The following COPB2 variants were observed in gnomAD, a reference collection of about 807,000 sequenced individuals.
The protein encoded by COPB2 is coat protein complex I subunit beta 2.
In COPB2, 16 loss-of-function variants were observed where a neutral mutation model predicts 120.8. The observed-to-expected ratio is 0.13, with a 90% CI of 0.09 to 0.20. The LOEUF (loss-of-function observed/expected upper bound fraction) is 0.20. COPB2 is among the 10% of genes least tolerant of loss of function. COPB2 has a pLI of 1.00. For synonymous variants in COPB2, 332 were observed against 366.3 expected, an observed-to-expected ratio of 0.91 and a Z score of 1.07; for missense variants, 794 against 1,076.5, an observed-to-expected ratio of 0.74 and a Z score of 3.67.
chr3:139,370,080 G>A (rs563249428), intron 10 of COPB2, among the ~76,000 whole-genome samples: 1 of 152,282 alleles, frequency 6.6e-6, no homozygotes, highest in African/African-American at 2.4e-5. Flanking sequence ...TGGACAGACT[G>A]TTAATGGAGA....
chr3:139,386,078 G>T (rs909402727), intron 1 of COPB2, among the ~76,000 whole-genome samples: 6 of 152,118 alleles, frequency 3.9e-5, no homozygotes, highest in African/African-American at 1.4e-4. Context: ...CTTTTTTGGG[G>T]ATTTTTATCA....
chr3:139,388,261 A>G (rs1054592208), intron 1 of COPB2: 1 of 152,140 alleles, frequency 6.6e-6, no homozygotes, highest in Non-Finnish European at 1.5e-5. Flanking sequence ...TGGGTGCCCA[A>G]GAAAGTCCAC....
At chr3:139,363,375 T>C (rs1048265454) in intron 15 of COPB2, among the ~76,000 whole-genome samples, 6 of 152,150 alleles carry the variant, frequency 3.9e-5, no homozygotes, top group African/African-American at 1.4e-4. Context: ...TATTGTGAAC[T>C]GTACATGTGA....
Position 139,373,230 on chromosome 3 carries a change from C to G in COPB2, c.1077G>C (p.Gln359His), listed in dbSNP as rs775167003. ...GSCEIYPQTI[Q>H]HNPNGRFVVV... ...TGGCTTACCGCCCATTAGGATTGTG[C>G]TGAATAGTCTGAGGGTATATTTCAC... Residue 359 changes from glutamine to histidine, a missense_variant, in exon 9 of 22, where the codon CAG (glutamine) becomes CAC (histidine). Transcript: ENST00000333188. 1 of 1,613,978 alleles carries G rather than the reference C, an allele frequency of 6.2e-7. No individual in the cohort carries two copies. Among genetic ancestry groups the G allele is most frequent in the Non-Finnish European group, 8.5e-7 (1 of 1,179,912 alleles).
intron 10 of COPB2, among the ~76,000 whole-genome samples, chr3:139,371,018 T>TA (rs1941615102): frequency 6.6e-6 from 1 of 152,126 alleles, no homozygotes; most frequent in South Asian, 2.1e-4. Context: ...AGATGCAACA[T>TA]AAAATGTGGG....
chr3:139,358,010 A>C, intron 21 of COPB2, 52 bp from the exon 22 acceptor site: 1 of 1,157,304 alleles, frequency 8.6e-7, no homozygotes, highest in Non-Finnish European at 1.3e-6. Context: ...GTTAAAGGAA[A>C]GTTATCCGTG....
Position 139,361,185 on chromosome 3 carries a change from C to A in COPB2, c.2106G>T (p.Leu702Phe), listed in dbSNP as rs776037503. The change falls in exon 17 of 22, where the codon TTG (leucine) becomes TTT (phenylalanine). Residue 702 changes from leucine (L) to phenylalanine (F), a missense_variant. Leu to Phe is a conservative substitution (Grantham distance 22). Around this residue, in one of 3 missense-constraint regions of COPB2, gnomAD observed 610 missense variants for 866.7 expected, o/e 0.70. Coordinates refer to ENST00000333188, the MANE Select transcript of COPB2 (RefSeq NM_004766.3). ...HAQDYGGLLLLATASGNANMV... is the reference protein window; with the variant it reads ...HAQDYGGLLLFATASGNANMV... ...TATTAGCATTTCCAGAGGCAGTGGC[C>A]AAAAGCAGCAGGCCCCCATAATCCT... 1.2e-5 allele frequency: 20 copies of A among 1,614,208 alleles called. No individual in the cohort carries two copies. In the South Asian group the frequency reaches 1.9e-4, roughly 15 times the overall value.
chr3:139,367,553 G>A (rs1046358871), intron 13 of COPB2, among the ~76,000 whole-genome samples: 3 of 152,002 alleles, frequency 2.0e-5, no homozygotes, highest in Non-Finnish European at 4.4e-5. Flanking sequence ...CTCCCAAAGT[G>A]CTGGGATTAT....
intron 12 of COPB2, 71 bp from the exon 13 acceptor site, chr3:139,368,359 G>T: frequency 6.9e-7 from 1 of 1,450,306 alleles, no homozygotes; most frequent in Non-Finnish European, 9.3e-7. Flanking sequence ...CACATACTTG[G>T]TTTCTTACAA....
intron 6 of COPB2, 72 bp from the exon 7 acceptor site, chr3:139,374,660 G>A: frequency 8.2e-7 from 1 of 1,212,848 alleles, no homozygotes; most frequent in East Asian, 2.4e-5. Context: ...AATTTTCTCA[G>A]TGTACAGATA....
rs1463586050 is a variant in COPB2 at position 139,367,262 on chromosome 3, C to T, written c.1546-117G>A. The T allele has an allele frequency of 2.2e-5, 27 of 1,226,720 alleles. No individual in the cohort carries two copies. In the South Asian group the frequency reaches 3.8e-4, roughly 17 times the overall value. The allele number at this position is 1,226,720 out of a possible 1,614,324, so 76.0% of individuals were successfully genotyped here. On this transcript the variant is annotated intron_variant, in intron 13 of 21. Coordinates refer to ENST00000333188, the MANE Select transcript of COPB2 (RefSeq NM_004766.3). Reference sequence around the variant, plus strand: ...TAAGGAATGCAAAGTAAAATCCTTCCTATTTCTAGAAAAAAAAAATTTTCC... The same window carrying T: ...TAAGGAATGCAAAGTAAAATCCTTCTTATTTCTAGAAAAAAAAAATTTTCC...
chr3:139,358,774 G>GTCT lies in COPB2; in HGVS notation c.2520_2522dup (p.Lys840_Asp841insGlu), dbSNP rs1398918795. On this transcript the variant is annotated inframe_insertion, in exon 20 of 22. Transcript: ENST00000333188. ...GAGCTGTAGATCTTGAGGGCTGAAA[G>GTCT]TCTTTTCCCTCTTCCATGACATTTC... 6.2e-7 allele frequency: 1 copy of GTCT among 1,613,122 alleles called. No homozygotes were observed. Among genetic ancestry groups the GTCT allele is most frequent in the Admixed American group, 1.7e-5 (1 of 59,998 alleles).
chr3:139,389,222 C>T (rs1178257714), intron 1 of COPB2, among the ~76,000 whole-genome samples: 1 of 152,240 alleles, frequency 6.6e-6, no homozygotes, highest in Non-Finnish European at 1.5e-5. Flanking sequence ...TTACCAAAGC[C>T]TCCTACGGAG....
chr3:139,389,306 C>T (rs887544900), intron 1 of COPB2, among the ~76,000 whole-genome samples: 4 of 152,246 alleles, frequency 2.6e-5, no homozygotes, highest in Non-Finnish European at 5.9e-5. Flanking sequence ...TGGCAAGCGC[C>T]ACAAGCGCCA....
At chr3:139,361,483 T>C (rs1016573673) in intron 16 of COPB2, among the ~76,000 whole-genome samples, 188 bp from the exon 17 acceptor site, 2 of 152,232 alleles carry the variant, frequency 1.3e-5, no homozygotes, top group African/African-American at 4.8e-5. Flanking sequence ...GTATACAAAA[T>C]GAATTTAAAC....
intron 10 of COPB2, 152 bp downstream of exon 10, chr3:139,371,571 G>A (rs2107803179): frequency 3.4e-6 from 2 of 591,140 alleles, no homozygotes; most frequent in South Asian, 2.3e-5. Flanking sequence ...CTATACACTC[G>A]CCTCTGACTC....
chr3:139,357,999 T>C, intron 21 of COPB2, 41 bp from the exon 22 acceptor site: 1 of 1,252,844 alleles, frequency 8.0e-7, no homozygotes, highest in Non-Finnish European at 1.1e-6. Context: ...TTTACAGTAC[T>C]GTTAAAGGAA....
intron 1 of COPB2, among the ~76,000 whole-genome samples, chr3:139,388,875 T>G (rs569802369): frequency 2.6e-5 from 4 of 151,662 alleles, no homozygotes; most frequent in Non-Finnish European, 5.9e-5. Context: ...ATTATAACAC[T>G]CTTGTGCAAA....
At chr3:139,369,060 T>A (rs534945285) in intron 12 of COPB2, among the ~76,000 whole-genome samples, 1 of 152,240 alleles carries the variant, frequency 6.6e-6, no homozygotes, top group Non-Finnish European at 1.5e-5. Context: ...TCAGGATTGT[T>A]GTATCCTAAT....
Sources: allele counts gnomAD v4.1 joint callset (sites outside exome capture counted in the v4.1 genomes callset), GRCh38; gene constraint gnomAD v4.1.1; regional missense constraint gnomAD v4.1.1; transcripts MANE v1.5; gene names NCBI Gene and HGNC (gene_info 2026-07-23, HGNC 2026-07-21).